KPNA1: variants seen among roughly 807,000 people sequenced by gnomAD.
KPNA1 encodes importin subunit alpha-5.
In KPNA1, 10 loss-of-function variants were observed where a neutral mutation model predicts 70.5. That is an observed-to-expected ratio of 0.14 (90% CI 0.09 to 0.24). KPNA1 has a LOEUF of 0.24. Among genes scored for constraint, KPNA1 ranks in the 10% least tolerant of loss-of-function variants. The pLI is 1.00. For synonymous variants in KPNA1, 192 were observed against 221.9 expected (o/e 0.87, Z 1.20); for missense variants, 397 against 637.9 (o/e 0.62, Z 4.07).
intron 1 of KPNA1, among the ~76,000 whole-genome samples, chr3:122,513,928 G>A (rs1034667052): frequency 3.9e-5 from 6 of 152,138 alleles, no homozygotes; most frequent in African/African-American, 1.4e-4. Flanking sequence ...CTCGGCAATC[G>A]TTTGTTCTGA....
rs142084948 is a variant in KPNA1, at chr3:122,452,922, T to C, written c.565-858A>G. ...CAAAAAGAAACTTGCTTTCTGTACT[T>C]TTCTGCACAAAAGTGGCAAAGACTA... On this transcript the variant is annotated intron_variant, in intron 6 of 13. Transcript: ENST00000344337. Among the ~76,000 whole-genome samples, 288 of 152,218 alleles carry C rather than the reference T, an allele frequency of 1.9e-3. 1 individual carries two copies. The highest frequency in any genetic ancestry group is 6.7e-3 in the African/African-American group (280 of 41,536).
At chr3:122,427,449 G>A (rs1198611689) in intron 13 of KPNA1, 89 bp downstream of exon 13, 2 of 1,272,688 alleles carry the variant, frequency 1.6e-6, no homozygotes, top group African/African-American at 3.0e-5. Flanking sequence ...TTCATCCAGT[G>A]CCTAGCAGTA....
intron 1 of KPNA1, among the ~76,000 whole-genome samples, chr3:122,503,270 TAA>T (rs35379022): frequency 1.3e-5 from 2 of 151,642 alleles, no homozygotes; most frequent in Admixed American, 6.6e-5. Context: ...TATATATATA[TAA>T]AGAAAGAAAG....
At position 122,438,834 on chromosome 3, in the gene KPNA1, G is replaced by A. The variant is rs567391737; in HGVS notation, c.997-1539C>T. On this transcript the variant is annotated intron_variant, in intron 10 of 13. Coordinates refer to ENST00000344337, the MANE Select transcript of KPNA1 (RefSeq NM_002264.4). Reference sequence around the variant, plus strand: ...GCTGACTTGGGGATGGTAAAAGACTGTATGTATGAGCATAAAAATAAAGAA... The same window carrying A: ...GCTGACTTGGGGATGGTAAAAGACTATATGTATGAGCATAAAAATAAAGAA... 1.2e-4 allele frequency among the ~76,000 whole-genome samples: 19 copies of A among 152,282 alleles called. 1 individual carries two copies. The South Asian group carries it at 3.7e-3, about 30-fold the overall frequency.
intron 12 of KPNA1, among the ~76,000 whole-genome samples, chr3:122,429,028 G>A (rs2075861980): frequency 6.6e-6 from 1 of 152,112 alleles, no homozygotes; most frequent in Admixed American, 6.5e-5. Context: ...TATATACCAA[G>A]TGGATTTATT....
intron 2 of KPNA1, among the ~76,000 whole-genome samples, chr3:122,486,869 G>A (rs1368495290): frequency 6.6e-6 from 1 of 152,106 alleles, no homozygotes; most frequent in African/African-American, 2.4e-5. Context: ...TTACAATTCT[G>A]TACATTCTTA....
intron 5 of KPNA1, chr3:122,459,442 C>A: frequency 2.0e-6 from 2 of 985,334 alleles, no homozygotes; most frequent in African/African-American, 1.7e-5. Flanking sequence ...TCCCTACCTC[C>A]CTCTTCCTAC....
intron 1 of KPNA1, among the ~76,000 whole-genome samples, chr3:122,504,026 T>C (rs1030789388): frequency 3.3e-5 from 5 of 152,224 alleles, no homozygotes; most frequent in Non-Finnish European, 7.3e-5. Flanking sequence ...TAGTAGTTAA[T>C]GCATGCTATT....
At chr3:122,495,912 T>C (rs920383025) in intron 2 of KPNA1, among the ~76,000 whole-genome samples, 7 of 151,982 alleles carry the variant, frequency 4.6e-5, no homozygotes, top group African/African-American at 1.7e-4. Flanking sequence ...GTGAATGAAA[T>C]TTTACTTTAA....
At chr3:122,434,415 T>C (rs1232032002) in intron 11 of KPNA1, among the ~76,000 whole-genome samples, 2 of 152,038 alleles carry the variant, frequency 1.3e-5, no homozygotes, top group African/African-American at 4.8e-5. Context: ...CATTCTCTCA[T>C]AGCATGTGAA....
chr3:122,504,550 T>C (rs1023270669), intron 1 of KPNA1, among the ~76,000 whole-genome samples: 8 of 152,170 alleles, frequency 5.3e-5, no homozygotes, highest in African/African-American at 1.9e-4. Context: ...GGAGAGTCTA[T>C]ATTCATGTGG....
intron 1 of KPNA1, among the ~76,000 whole-genome samples, chr3:122,512,001 A>G (rs1301323229): frequency 6.6e-6 from 1 of 152,232 alleles, no homozygotes; most frequent in East Asian, 1.9e-4. Context: ...GGGAAAAGGT[A>G]AAAGGACCAT....
intron 2 of KPNA1, among the ~76,000 whole-genome samples, chr3:122,471,568 G>C (rs533036312): frequency 6.6e-6 from 1 of 151,704 alleles, no homozygotes; most frequent in Non-Finnish European, 1.5e-5. Context: ...TTGGCCAGAC[G>C]TGGTGACTCA....
intron 2 of KPNA1, among the ~76,000 whole-genome samples, chr3:122,489,944 G>C (rs1576336767): frequency 6.6e-6 from 1 of 152,302 alleles, no homozygotes; most frequent in East Asian, 1.9e-4. Context: ...CCACTACTGA[G>C]GCAAGGCTCT....
At position 122,474,242 on chromosome 3, in the gene KPNA1, A is replaced by C. The variant is rs538480010; in HGVS notation, c.130-6813T>G. 9.2e-5 allele frequency among the ~76,000 whole-genome samples: 14 copies of C among 152,300 alleles called. No individual in the cohort carries two copies. In the East Asian group the frequency reaches 2.7e-3, roughly 29 times the overall value. ...GAGGTATTATTCCTATCTATAAAGAAAGACTCAACATTGGCAAGATGTCAG... is the reference window on the plus strand; with the variant it reads ...GAGGTATTATTCCTATCTATAAAGACAGACTCAACATTGGCAAGATGTCAG... On this transcript the variant is annotated intron_variant, in intron 2 of 13. Coordinates refer to ENST00000344337, the MANE Select transcript of KPNA1 (RefSeq NM_002264.4).
chr3:122,436,601 A>G (rs1274697745), intron 11 of KPNA1, among the ~76,000 whole-genome samples: 2 of 152,200 alleles, frequency 1.3e-5, no homozygotes, highest in African/African-American at 4.8e-5. Flanking sequence ...GGTTCCCCTG[A>G]TAACTATTTC....
intron 9 of KPNA1, 65 bp downstream of exon 9, chr3:122,449,509 A>G: frequency 7.9e-7 from 1 of 1,265,346 alleles, no homozygotes; most frequent in South Asian, 1.4e-5. Context: ...ATATTTAAGT[A>G]TTAGCAGCTA....
intron 3 of KPNA1, 122 bp from the exon 4 acceptor site, chr3:122,464,163 G>T (rs149287502): frequency 2.1e-6 from 1 of 465,752 alleles, no homozygotes; most frequent in South Asian, 5.3e-5. Context: ...GTTACATAAA[G>T]GTAGGACAAT....
intron 1 of KPNA1, 89 bp downstream of exon 1, chr3:122,514,668 C>T (rs1325322611): frequency 6.6e-6 from 1 of 152,344 alleles, no homozygotes; most frequent in Non-Finnish European, 1.5e-5. Context: ...CCCGCCCTCG[C>T]CCCAGGGCCT....
Sources: gnomAD v4.1 joint callset for allele counts (sites outside exome capture counted in the v4.1 genomes callset) on GRCh38, gnomAD v4.1.1 for gene constraint, MANE v1.5 for transcripts, NCBI Gene and HGNC (gene_info 2026-07-23, HGNC 2026-07-21) for gene names.